Variants in KCNN2 observed in about 807,000 individuals in gnomAD.
KCNN2 encodes small conductance calcium-activated potassium channel protein 2.
A neutral mutation model predicts 55.5 loss-of-function variants in KCNN2; 24 were observed. That is an observed-to-expected ratio of 0.43 (90% CI 0.31 to 0.61). The LOEUF (loss-of-function observed/expected upper bound fraction) is 0.61, where lower values mean the gene tolerates loss of function less well. Ranked by LOEUF, KCNN2 falls within the 20% of genes least tolerant of loss-of-function variation. The pLI, the probability that KCNN2 is intolerant of heterozygous loss-of-function variation, is 0.08. For synonymous variants in KCNN2, 431 were observed against 336.1 expected (o/e 1.28, Z -3.09); for missense variants, 754 against 853.6 (o/e 0.88, Z 1.45).
chr5:114,449,295 A>G (rs939997492), intron 3 of KCNN2, among the ~76,000 whole-genome samples: 7 of 152,184 alleles, frequency 4.6e-5, no homozygotes, highest in Non-Finnish European at 1.0e-4. Flanking sequence ...CAGTGGCAGC[A>G]AAACGTAGTG....
intron 2 of KCNN2, among the ~76,000 whole-genome samples, chr5:114,286,577 A>G (rs1755759074): frequency 6.6e-6 from 1 of 152,234 alleles, no homozygotes. Context: ...TTATAGTTCC[A>G]CATTTTATGT....
chr5:114,320,962 G>A (rs563405019), intron 2 of KCNN2, among the ~76,000 whole-genome samples: 58 of 152,330 alleles, frequency 3.8e-4, no homozygotes, highest in Non-Finnish European at 7.8e-4. Context: ...ACATTGCACA[G>A]ATCTCTGATG....
chr5:114,475,644 C>T (rs183695219), intron 5 of KCNN2, among the ~76,000 whole-genome samples: 2 of 151,998 alleles, frequency 1.3e-5, no homozygotes, highest in Admixed American at 1.3e-4. Flanking sequence ...TAAGCTTTTC[C>T]AGTACTGACC....
At chr5:114,218,008 A>G (rs944204277) in intron 1 of KCNN2, among the ~76,000 whole-genome samples, 12 of 152,346 alleles carry the variant, frequency 7.9e-5, no homozygotes, top group South Asian at 6.2e-4. Flanking sequence ...CATATCATGT[A>G]TCATAAGGGA....
At chr5:114,087,263 A>G (rs1392880657) in intron 1 of KCNN2, among the ~76,000 whole-genome samples, 1 of 152,110 alleles carries the variant, frequency 6.6e-6, no homozygotes, top group Non-Finnish European at 1.5e-5. Context: ...TTTGTGGTGC[A>G]GAAGCTTTTT....
intron 1 of KCNN2, among the ~76,000 whole-genome samples, chr5:114,194,130 A>G (rs924107112): frequency 6.6e-6 from 1 of 152,086 alleles, no homozygotes; most frequent in Non-Finnish European, 1.5e-5. Context: ...TACATACAAT[A>G]TTATTCATAG....
intron 1 of KCNN2, among the ~76,000 whole-genome samples, chr5:114,085,006 T>C (rs1057089906): frequency 1.3e-5 from 2 of 151,604 alleles, no homozygotes; most frequent in African/African-American, 2.4e-5. Context: ...TTCTCTTCCA[T>C]TGAGATATAT....
At chr5:114,102,564 T>C (rs995074653) in intron 1 of KCNN2, among the ~76,000 whole-genome samples, 1 of 152,160 alleles carries the variant, frequency 6.6e-6, no homozygotes, top group African/African-American at 2.4e-5. Context: ...ATTTTTATGG[T>C]TTTAGGTATT....
intron 1 of KCNN2, among the ~76,000 whole-genome samples, chr5:114,091,588 C>A (rs901577): frequency 0.027 from 4,054 of 152,164 alleles, 186 homozygotes; most frequent in African/African-American, 0.092. Flanking sequence ...TATATTAGTC[C>A]ATTTTCATAC....
At chr5:114,242,968 G>A (rs2112618010) in intron 2 of KCNN2, among the ~76,000 whole-genome samples, 1 of 151,580 alleles carries the variant, frequency 6.6e-6, no homozygotes, top group South Asian at 2.1e-4. Flanking sequence ...TGTTTTCTCA[G>A]TGTCAAATAC....
In KCNN2 at chr5:114,385,944, C is replaced by T. The variant is rs143701399; in HGVS notation, c.1219-18494C>T. ...CTGTAATCCCAACACTTTGGGAGGC[C>T]GAGGCGGGCGGATCGTGAGGTCAGG... On this transcript the variant is annotated intron_variant, in intron 2 of 7. Coordinates refer to ENST00000673685, the MANE Select transcript of KCNN2 (RefSeq NM_021614.4). 5.5e-3 allele frequency among the ~76,000 whole-genome samples: 836 copies of T among 151,278 alleles called. 2 individuals carry two copies. Among genetic ancestry groups the T allele is most frequent in the Non-Finnish European group, 8.7e-3 (588 of 67,810 alleles).
In KCNN2 at chr5:114,288,413, T is replaced by C. The variant is rs574733262; in HGVS notation, c.-185+66848T>C. Among the ~76,000 whole-genome samples, 29 of 152,110 alleles carry C rather than the reference T, an allele frequency of 1.9e-4. No homozygotes were observed. The South Asian group carries it at 3.7e-3, about 20-fold the overall frequency. ...ACTTTTTGGGATTCACCAAACTGTT[T>C]TCCACAGACCAATTTTACATTCCCA... On this transcript the variant is annotated intron_variant, in intron 2 of 10. Coordinates refer to the KCNN2 transcript ENST00000512097.
chr5:114,081,082 CTTAGGAA>C (rs1247688443), intron 1 of KCNN2, among the ~76,000 whole-genome samples: 2 of 151,998 alleles, frequency 1.3e-5, no homozygotes, highest in Admixed American at 1.3e-4. Context: ...TATAAAAAAA[CTTAGGAA>C]TTAAGAAGTA....
intron 3 of KCNN2, among the ~76,000 whole-genome samples, chr5:114,437,041 T>TTG: frequency 6.6e-6 from 1 of 151,622 alleles, no homozygotes; most frequent in East Asian, 1.9e-4. Flanking sequence ...GTGTGTGTGT[T>TTG]TGTGTGTGTG....
intron 2 of KCNN2, among the ~76,000 whole-genome samples, chr5:114,395,437 A>G (rs1360933754): frequency 6.6e-6 from 1 of 152,216 alleles, no homozygotes. Context: ...ATTAAGGTAG[A>G]TTAAACTGTT....
At chr5:114,136,205 C>A (rs1398351525) in intron 1 of KCNN2, among the ~76,000 whole-genome samples, 1 of 152,120 alleles carries the variant, frequency 6.6e-6, no homozygotes, top group East Asian at 1.9e-4. Flanking sequence ...GGTGATTAGG[C>A]CATGAGGGCT....
At chr5:114,369,508 G>T (rs1358472317) in intron 2 of KCNN2, among the ~76,000 whole-genome samples, 1 of 152,100 alleles carries the variant, frequency 6.6e-6, no homozygotes, top group African/African-American at 2.4e-5. Context: ...CCTATGAGGT[G>T]GATAAAAATT....
chr5:114,293,869 A>G (rs1162320144), intron 2 of KCNN2, among the ~76,000 whole-genome samples: 1 of 152,022 alleles, frequency 6.6e-6, no homozygotes. Context: ...ACAATTTCAG[A>G]GCCTGTTATT....
At chr5:114,168,427 T>TAA (rs1752963781) in intron 1 of KCNN2, among the ~76,000 whole-genome samples, 1 of 152,122 alleles carries the variant, frequency 6.6e-6, no homozygotes, top group African/African-American at 2.4e-5. Flanking sequence ...AAGCATTTCT[T>TAA]CCAATGACTA....
Sources: allele counts gnomAD v4.1 joint callset (sites outside exome capture counted in the v4.1 genomes callset), GRCh38; gene constraint gnomAD v4.1.1; transcripts MANE v1.5; gene names NCBI Gene and HGNC (gene_info 2026-07-23, HGNC 2026-07-21).